The following ABCG2 variants were observed in gnomAD, a reference collection of about 807,000 sequenced individuals.
The protein encoded by ABCG2 is ATP binding cassette subfamily G member 2 (JR blood group).
A neutral mutation model predicts 73.5 loss-of-function variants in ABCG2; 80 were observed. The ratio of observed to expected loss-of-function variants is 1.09; its 90% CI spans 0.91 to 1.31. ABCG2 has a LOEUF of 1.31. ABCG2 is among the 50% of genes most tolerant of loss of function. ABCG2 has a pLI of 0.00. For missense variants in ABCG2, 796 were observed against 786.2 expected (o/e 1.01, Z -0.15); for synonymous variants, 269 against 282.4 (o/e 0.95, Z 0.48).
chr4:88,127,386 C>T (rs1029858565), intron 5 of ABCG2, among the ~76,000 whole-genome samples: 5 of 152,160 alleles, frequency 3.3e-5, no homozygotes, highest in African/African-American at 1.2e-4. Context: ...ATCAAGCTAC[C>T]ATTGACTTTC....
At chr4:88,175,361 C>G (rs1727915136) in intron 1 of ABCG2, among the ~76,000 whole-genome samples, 1 of 152,180 alleles carries the variant, frequency 6.6e-6, no homozygotes, top group African/African-American at 2.4e-5. Context: ...ATGATTATTA[C>G]TAGACCCATT....
At chr4:88,096,262 T>C (rs1338405929) in intron 13 of ABCG2, among the ~76,000 whole-genome samples, 1 of 152,206 alleles carries the variant, frequency 6.6e-6, no homozygotes, top group Admixed American at 6.5e-5. Context: ...TGCTGAAGAT[T>C]GACAAGAGAA....
chr4:88,209,527 G>A (rs1261896445), intron 1 of ABCG2, among the ~76,000 whole-genome samples: 2 of 151,456 alleles, frequency 1.3e-5, no homozygotes, highest in Non-Finnish European at 2.9e-5. Context: ...TCCAGGCGTG[G>A]TGGTGAGCGC....
At position 88,097,469 on chromosome 4, in the gene ABCG2, C is replaced by T; in HGVS notation, c.1631G>A (p.Cys544Tyr). 2 of 1,614,074 alleles carry T rather than the reference C, an allele frequency of 1.2e-6. No individual in the cohort carries two copies. Among genetic ancestry groups the T allele is most frequent in the Non-Finnish European group, 1.7e-6 (2 of 1,179,956 alleles). Reference sequence around the variant, plus strand: ...CAGACTCACCATCATAAACACAAAACAGATGGTCATGAGAAGTGTTGCTAC... The same window carrying T: ...CAGACTCACCATCATAAACACAAAATAGATGGTCATGAGAAGTGTTGCTAC... ...VSVATLLMTI[C>Y]FVFMMIFSGL... The change falls in exon 13 of 16, where the codon TGT becomes TAT. Residue 544 changes from cysteine to tyrosine, a missense_variant. Cys to Tyr is a radical substitution (Grantham distance 194). Transcript: ENST00000237612.
rs577077563 is a variant in ABCG2 at position 88,140,271 on chromosome 4, A to T, written c.-19-257T>A. On this transcript the variant is annotated intron_variant, in intron 1 of 15. Transcript: ENST00000237612. Reference sequence around the variant, plus strand: ...AGTAAATGGGTCCTAATAAGTAAATAGGAAGAGTATGAAAATTACAAAAAA... The same window carrying T: ...AGTAAATGGGTCCTAATAAGTAAATTGGAAGAGTATGAAAATTACAAAAAA... Among the ~76,000 whole-genome samples, 5 of 152,320 alleles carry T rather than the reference A, an allele frequency of 3.3e-5. No homozygotes were observed. The East Asian group carries it at 7.7e-4, about 23-fold the overall frequency.
intron 1 of ABCG2, among the ~76,000 whole-genome samples, chr4:88,209,565 A>C (rs538215967): frequency 4.0e-5 from 6 of 151,592 alleles, no homozygotes; most frequent in Non-Finnish European, 8.8e-5. Context: ...CAGGAGGCAG[A>C]AGAATCGCTT....
At chr4:88,130,927 T>C in intron 5 of ABCG2, 134 bp downstream of exon 5, 1 of 1,027,792 alleles carries the variant, frequency 9.7e-7, no homozygotes, top group Non-Finnish European at 1.4e-6. Flanking sequence ...AACAAGCCAC[T>C]TTTCTCATTG....
chr4:88,138,471 T>G (rs1453538425), intron 2 of ABCG2, among the ~76,000 whole-genome samples: 1 of 152,224 alleles, frequency 6.6e-6, no homozygotes, highest in Non-Finnish European at 1.5e-5. Context: ...TTACAAAATG[T>G]CCAGAGGAAA....
At chr4:88,107,380 G>A in intron 9 of ABCG2, 114 bp from the exon 10 acceptor site, 2 of 699,770 alleles carry the variant, frequency 2.9e-6, no homozygotes, top group Non-Finnish European at 2.2e-6. Flanking sequence ...TCTCCATTAA[G>A]ATAAACACTC....
At chr4:88,129,608 CA>C (rs1326789441) in intron 5 of ABCG2, among the ~76,000 whole-genome samples, 1 of 152,118 alleles carries the variant, frequency 6.6e-6, no homozygotes. Flanking sequence ...TGAATGGTGG[CA>C]TCTCAGAGTT....
chr4:88,160,638 T>C (rs1727256271), upstream of ABCG2, among the ~76,000 whole-genome samples: 1 of 151,684 alleles, frequency 6.6e-6, no homozygotes, highest in Admixed American at 6.6e-5. Flanking sequence ...TCACCTGATA[T>C]CAGGACTTCA....
At chr4:88,125,151 G>A (rs1395484789) in intron 5 of ABCG2, among the ~76,000 whole-genome samples, 2 of 151,674 alleles carry the variant, frequency 1.3e-5, no homozygotes, top group African/African-American at 2.4e-5. Context: ...AATTAGCTGG[G>A]CGTGGTGGCG....
At chr4:88,103,568 A>AT (rs1285322472) in intron 10 of ABCG2, among the ~76,000 whole-genome samples, 3 of 152,234 alleles carry the variant, frequency 2.0e-5, no homozygotes, top group Non-Finnish European at 4.4e-5. Flanking sequence ...TCAAACATTT[A>AT]TTTTTTGTGG....
intron 8 of ABCG2, among the ~76,000 whole-genome samples, 183 bp from the exon 9 acceptor site, chr4:88,113,736 G>A (rs149236024): frequency 6.6e-6 from 1 of 152,178 alleles, no homozygotes; most frequent in African/African-American, 2.4e-5. Context: ...GCTGAGGCGG[G>A]TGGATTACGA....
chr4:88,155,253 T>C (rs943655521), intron 1 of ABCG2, among the ~76,000 whole-genome samples: 4 of 152,074 alleles, frequency 2.6e-5, no homozygotes, highest in Non-Finnish European at 5.9e-5. Context: ...GGAAAGGAGT[T>C]GTTTTGTAGA....
rs1725513145 is a variant in ABCG2 at position 88,139,945 on chromosome 4, G to A, written c.51C>T (p.Thr17=). Residue 17 remains threonine, a synonymous_variant, in exon 2 of 16, where the codon ACC becomes ACT. Coordinates refer to ENST00000237612, the MANE Select transcript of ABCG2 (RefSeq NM_004827.3). Reference sequence around the variant, plus strand: ...TGGAAGCTGTCGCGGGGAAGCCATTGGTGTTTCCTTGTGACACTGGGATAA... The same window carrying A: ...TGGAAGCTGTCGCGGGGAAGCCATTAGTGTTTCCTTGTGACACTGGGATAA... ...EVFIPVSQGN[T]NGFPATASND... The A allele has an allele frequency of 6.2e-7, 1 of 1,613,978 alleles. No individual in the cohort carries two copies. The highest frequency in any genetic ancestry group is 1.3e-5 in the African/African-American group (1 of 74,918).
At chr4:88,145,806 G>C (rs980001240) in intron 1 of ABCG2, among the ~76,000 whole-genome samples, 32 of 149,228 alleles carry the variant, frequency 2.1e-4, no homozygotes, top group African/African-American at 7.6e-4. Flanking sequence ...CGGGCGTGGT[G>C]GTGTGCATTT....
At chr4:88,220,347 GTA>G (rs1160046803) in intron 1 of ABCG2, among the ~76,000 whole-genome samples, 2 of 152,156 alleles carry the variant, frequency 1.3e-5, no homozygotes, top group Non-Finnish European at 2.9e-5. Context: ...TTGTGGGATT[GTA>G]TGGTAATTCT....
rs1721646135 is a variant in ABCG2, at chr4:88,091,537, C to G, written c.*697G>C. 1 of 152,034 alleles carries G rather than the reference C, an allele frequency of 6.6e-6. No homozygotes were observed. Among genetic ancestry groups the G allele is most frequent in the South Asian group, 2.1e-4 (1 of 4,816 alleles). 9.4% of individuals were successfully genotyped at this position (152,034 alleles called of 1,614,324 possible). ...TAAACCACTAAACCACTGAACTACCCCAAGAAGGTTACGTGACCTCCCAGA... is the reference window on the plus strand; with the variant it reads ...TAAACCACTAAACCACTGAACTACCGCAAGAAGGTTACGTGACCTCCCAGA... On this transcript the variant is annotated 3_prime_UTR_variant, in exon 16 of 16. Transcript: ENST00000237612.
Sources: allele counts gnomAD v4.1 joint callset (sites outside exome capture counted in the v4.1 genomes callset), GRCh38; gene constraint gnomAD v4.1.1; transcripts MANE v1.5; gene names NCBI Gene and HGNC (gene_info 2026-07-23, HGNC 2026-07-21).